Variants in RIMS2 observed in about 807,000 individuals in gnomAD.
The protein encoded by RIMS2 is regulating synaptic membrane exocytosis 2.
In RIMS2, 59 loss-of-function variants were observed where a neutral mutation model predicts 174.4. The ratio of observed to expected loss-of-function variants is 0.34; its 90% CI spans 0.27 to 0.42. The LOEUF (loss-of-function observed/expected upper bound fraction) is 0.42, where lower values mean the gene tolerates loss of function less well. Among genes scored for constraint, RIMS2 ranks in the 10% least tolerant of loss-of-function variants. RIMS2 has a pLI of 1.00. For missense variants in RIMS2, 1,620 were observed against 1,666.3 expected, an observed-to-expected ratio of 0.97 and a Z score of 0.48; for synonymous variants, 606 against 572.5, an observed-to-expected ratio of 1.06 and a Z score of -0.84.
At chr8:104,042,649 A>G (rs1384580105) in intron 19 of RIMS2, among the ~76,000 whole-genome samples, 2 of 151,716 alleles carry the variant, frequency 1.3e-5, no homozygotes, top group Admixed American at 1.3e-4. Flanking sequence ...GTTTGATGGT[A>G]CATTTTATCA....
intron 19 of RIMS2, among the ~76,000 whole-genome samples, chr8:104,198,757 C>T (rs534797839): frequency 6.6e-6 from 1 of 152,180 alleles, no homozygotes; most frequent in Non-Finnish European, 1.5e-5. Context: ...AGTATCCCAG[C>T]CTTTTAGGTC....
intron 17 of RIMS2, among the ~76,000 whole-genome samples, chr8:104,008,592 T>C (rs1206906865): frequency 1.3e-5 from 2 of 151,880 alleles, no homozygotes; most frequent in Admixed American, 1.3e-4. Flanking sequence ...TGGTCATTTC[T>C]TCATGCAATT....
chr8:104,084,066 T>C (rs1262040815), intron 19 of RIMS2, among the ~76,000 whole-genome samples: 1 of 152,116 alleles, frequency 6.6e-6, no homozygotes, highest in Non-Finnish European at 1.5e-5. Context: ...ATTTTAATTA[T>C]TATTAATAAT....
intron 14 of RIMS2, among the ~76,000 whole-genome samples, chr8:103,955,189 C>T (rs2086750595): frequency 6.6e-6 from 1 of 152,154 alleles, no homozygotes; most frequent in African/African-American, 2.4e-5. Context: ...GAGCTGGTAC[C>T]ATTCCTTCTG....
intron 1 of RIMS2, among the ~76,000 whole-genome samples, chr8:103,618,571 A>G (rs2095558762): frequency 6.6e-6 from 1 of 152,094 alleles, no homozygotes; most frequent in African/African-American, 2.4e-5. Context: ...ATTGTGTGAG[A>G]CCATTTTCAA....
At position 104,174,463 on chromosome 8, in the gene RIMS2, T is replaced by C. The variant is rs142857502; in HGVS notation, c.3335-70453T>C. On this transcript the variant is annotated intron_variant, in intron 19 of 23. Coordinates refer to ENST00000504942, the Ensembl canonical transcript of RIMS2. ...ATGACAATATATTACCTTCTTAATA[T>C]TGGTTTACTGGCATATTCATTTAGA... Among the ~76,000 whole-genome samples the C allele has an allele frequency of 4.3e-3, 659 of 152,250 alleles. 9 individuals are homozygous for C. Among genetic ancestry groups the C allele is most frequent in the African/African-American group, 0.015 (615 of 41,536 alleles).
At chr8:103,964,843 CTG>C (rs1476220949) in intron 15 of RIMS2, among the ~76,000 whole-genome samples, 2 of 151,820 alleles carry the variant, frequency 1.3e-5, no homozygotes, top group African/African-American at 4.8e-5. Flanking sequence ...AGTGTAATGT[CTG>C]TGTCTAGGTT....
chr8:104,067,337 T>G (rs574106793), intron 19 of RIMS2, among the ~76,000 whole-genome samples: 58 of 152,260 alleles, frequency 3.8e-4, no homozygotes, highest in African/African-American at 1.3e-3. Context: ...ATGATCGAGA[T>G]TTTTAAATTA....
chr8:103,910,338 A>G (rs766044814), intron 5 of RIMS2: 1 of 1,600,408 alleles, frequency 6.2e-7, no homozygotes, highest in South Asian at 1.1e-5. Flanking sequence ...TCAAAAGGGA[A>G]AAAGAAAAAC....
intron 19 of RIMS2, among the ~76,000 whole-genome samples, chr8:104,127,902 G>A (rs1197091120): frequency 1.3e-5 from 2 of 152,182 alleles, no homozygotes; most frequent in African/African-American, 2.4e-5. Context: ...CTGCCCAAAA[G>A]CAGCATCTCA....
At chr8:103,857,497 T>C (rs2099034307) in intron 3 of RIMS2, among the ~76,000 whole-genome samples, 1 of 152,182 alleles carries the variant, frequency 6.6e-6, no homozygotes, top group African/African-American at 2.4e-5. Context: ...TTTTTGGAGT[T>C]GTGAAGCTTA....
intron 1 of RIMS2, among the ~76,000 whole-genome samples, chr8:103,610,421 G>T (rs973041489): frequency 6.6e-6 from 1 of 152,146 alleles, no homozygotes; most frequent in Non-Finnish European, 1.5e-5. Flanking sequence ...TTTTCAAGGG[G>T]AATGCCTCCA....
In RIMS2 at chr8:103,946,818, G is replaced by A. The variant is rs187264841; in HGVS notation, c.2701+3892G>A. On this transcript the variant is annotated intron_variant, in intron 14 of 23. Transcript: ENST00000504942. ...ATCCAGAGCAGCCAAAACAAATCTG[G>A]AAGATGTATATTTCCTCATTTCCAT... 2.2e-3 allele frequency among the ~76,000 whole-genome samples: 335 copies of A among 152,210 alleles called. 2 individuals carry two copies. The highest frequency in any genetic ancestry group is 7.9e-3 in the African/African-American group (329 of 41,538).
In RIMS2 at chr8:104,240,320, G is replaced by A. The variant is rs116982782; in HGVS notation, c.3335-4596G>A. ...CATTTTCTTTCTATAGACCTTCACTGTTACGTAGATTCAGTTTTTAAGTTG... is the reference window on the plus strand; with the variant it reads ...CATTTTCTTTCTATAGACCTTCACTATTACGTAGATTCAGTTTTTAAGTTG... On this transcript the variant is annotated intron_variant, in intron 19 of 23. Coordinates refer to ENST00000504942, the Ensembl canonical transcript of RIMS2. Among the ~76,000 whole-genome samples the A allele has an allele frequency of 4.7e-3, 712 of 152,232 alleles. 3 individuals are homozygous for A. The highest frequency in any genetic ancestry group is 7.9e-3 in the Non-Finnish European group (534 of 68,018).
At chr8:103,643,214 C>G (rs77396967) in intron 1 of RIMS2, among the ~76,000 whole-genome samples, 29,394 of 151,718 alleles carry the variant, frequency 0.19, 3,041 homozygotes, top group Middle Eastern at 0.3. Flanking sequence ...CAAAGGCATT[C>G]TTTATTTCTT....
At chr8:103,626,157 T>C (rs2095780265) in intron 1 of RIMS2, among the ~76,000 whole-genome samples, 2 of 152,248 alleles carry the variant, frequency 1.3e-5, no homozygotes, top group African/African-American at 2.4e-5. Context: ...TTTAAATATA[T>C]ATGTTAACTG....
At chr8:103,654,334 A>C (rs908728213) in intron 1 of RIMS2, among the ~76,000 whole-genome samples, 1 of 152,000 alleles carries the variant, frequency 6.6e-6, no homozygotes, top group African/African-American at 2.4e-5. Context: ...ACACAAAAGA[A>C]ATCACTTTAA....
chr8:104,081,747 A>G (rs1180605113), intron 19 of RIMS2, among the ~76,000 whole-genome samples: 1 of 152,114 alleles, frequency 6.6e-6, no homozygotes, highest in Non-Finnish European at 1.5e-5. Flanking sequence ...CAATTTTCTC[A>G]TCTATAAAAT....
At chr8:104,033,702 A>G (rs2096450533) in intron 19 of RIMS2, among the ~76,000 whole-genome samples, 1 of 151,830 alleles carries the variant, frequency 6.6e-6, no homozygotes, top group African/African-American at 2.4e-5. Flanking sequence ...GTCATGAGTA[A>G]GTATGCAATA....
Sources: allele counts gnomAD v4.1 joint callset (sites outside exome capture counted in the v4.1 genomes callset), GRCh38; gene constraint gnomAD v4.1.1; transcripts MANE v1.5; gene names NCBI Gene and HGNC (gene_info 2026-07-23, HGNC 2026-07-21).